The following RPSA2 variants were observed in gnomAD, a reference collection of about 807,000 sequenced individuals.
The protein encoded by RPSA2 is small ribosomal subunit protein uS2B.
the RPSA2 span, among the ~76,000 whole-genome samples, chr19:23,834,938 T>C: frequency 6.6e-6 from 1 of 152,066 alleles, no homozygotes; most frequent in Non-Finnish European, 1.5e-5. Flanking sequence ...TTAATTTCTG[T>C]GGATATATGT....
chr19:23,802,530 CAA>C, the RPSA2 span, among the ~76,000 whole-genome samples: 1 of 152,178 alleles, frequency 6.6e-6, no homozygotes, highest in East Asian at 1.9e-4. Flanking sequence ...GTCAGGCTGA[CAA>C]GAGTGGTTAA....
chr19:23,851,663 G>T, the RPSA2 span, among the ~76,000 whole-genome samples: 4 of 152,158 alleles, frequency 2.6e-5, no homozygotes. Context: ...TCTGCCTTTT[G>T]AGCAGTTGTA....
At chr19:23,869,743 A>G in the RPSA2 span, among the ~76,000 whole-genome samples, 1 of 152,180 alleles carries the variant, frequency 6.6e-6, no homozygotes. Flanking sequence ...GAAAGGTCCA[A>G]TTCAAGAAAC....
At chr19:23,826,351 C>A in the RPSA2 span, among the ~76,000 whole-genome samples, 2 of 152,016 alleles carry the variant, frequency 1.3e-5, no homozygotes, top group East Asian at 1.9e-4. Flanking sequence ...CATCACCATG[C>A]CTGGCTAATT....
At chr19:23,846,204 T>A in the RPSA2 span, among the ~76,000 whole-genome samples, 2 of 152,198 alleles carry the variant, frequency 1.3e-5, no homozygotes, top group Non-Finnish European at 2.9e-5. Flanking sequence ...TTTATATGTA[T>A]CTTACAAGTA....
chr19:23,814,582 C>T, the RPSA2 span, among the ~76,000 whole-genome samples: 1 of 152,112 alleles, frequency 6.6e-6, no homozygotes, highest in African/African-American at 2.4e-5. Context: ...AAAATTTTAA[C>T]ATTTTAAACA....
At chr19:23,827,122 G>T in the RPSA2 span, 1 of 765,600 alleles carries the variant, frequency 1.3e-6, no homozygotes, top group South Asian at 1.5e-5. Context: ...ATACGGCGTT[G>T]TTCTGGATTC....
chr19:23,832,704 T>A, the RPSA2 span: 10 of 1,513,830 alleles, frequency 6.6e-6, no homozygotes, highest in Non-Finnish European at 8.9e-6. Flanking sequence ...GGATGCACAC[T>A]GGAGAGAAAC....
At chr19:23,779,265 G>A in the RPSA2 span, among the ~76,000 whole-genome samples, 4 of 152,074 alleles carry the variant, frequency 2.6e-5, no homozygotes, top group African/African-American at 9.7e-5. Context: ...CTCCCAAAGT[G>A]CTGGGATTAC....
At chr19:23,767,000 T>C in the RPSA2 span, among the ~76,000 whole-genome samples, 2 of 152,128 alleles carry the variant, frequency 1.3e-5, no homozygotes, top group Non-Finnish European at 2.9e-5. Context: ...TCATCCAGGC[T>C]GGAGTGCGGT....
the RPSA2 span, among the ~76,000 whole-genome samples, chr19:23,851,728 C>T: frequency 6.6e-6 from 1 of 152,306 alleles, no homozygotes; most frequent in Non-Finnish European, 1.5e-5. Flanking sequence ...ATTTCCGTTA[C>T]TGGAGCCATC....
the RPSA2 span, chr19:23,843,081 A>G: frequency 0.98 from 149,531 of 152,862 alleles, 73,231 homozygotes; most frequent in Middle Eastern, 1. Flanking sequence ...TAAATTTCTA[A>G]AATCTTTCAT....
At chr19:23,779,359 T>C in the RPSA2 span, among the ~76,000 whole-genome samples, 1 of 152,146 alleles carries the variant, frequency 6.6e-6, no homozygotes, top group Non-Finnish European at 1.5e-5. Flanking sequence ...GCTTGGACTC[T>C]GTCAGAGAAG....
chr19:23,785,665 AG>A, the RPSA2 span, among the ~76,000 whole-genome samples: 3 of 122,012 alleles, frequency 2.5e-5, no homozygotes, highest in African/African-American at 9.4e-5. Context: ...CCCTCAGGAA[AG>A]ATTGTGATGT....
chr19:23,849,765 T>G, the RPSA2 span, among the ~76,000 whole-genome samples: 2 of 152,180 alleles, frequency 1.3e-5, no homozygotes, highest in African/African-American at 4.8e-5. Context: ...CCCAGTCTAT[T>G]ACTAAACCAT....
At chr19:23,828,669 A>G in the RPSA2 span, among the ~76,000 whole-genome samples, 1 of 150,648 alleles carries the variant, frequency 6.6e-6, no homozygotes, top group African/African-American at 2.4e-5. Flanking sequence ...TTTTGTCCTA[A>G]GATGTGGTCT....
the RPSA2 span, among the ~76,000 whole-genome samples, chr19:23,816,877 C>T: frequency 3.3e-5 from 5 of 152,128 alleles, no homozygotes; most frequent in African/African-American, 4.8e-5. Context: ...ACAGAAGAGA[C>T]CTGCCCCCAT....
the RPSA2 span, among the ~76,000 whole-genome samples, chr19:23,828,788 T>C: frequency 6.6e-6 from 1 of 152,060 alleles, no homozygotes; most frequent in Non-Finnish European, 1.5e-5. Flanking sequence ...TGCCTTTAAG[T>C]AGTCTGTTCT....
the RPSA2 span, among the ~76,000 whole-genome samples, chr19:23,766,649 T>G: frequency 6.6e-6 from 1 of 151,688 alleles, no homozygotes; most frequent in African/African-American, 2.4e-5. Flanking sequence ...AGAGACAGGG[T>G]TTCACCGTGT....
Sources: gnomAD v4.1 joint callset for allele counts (sites outside exome capture counted in the v4.1 genomes callset) on GRCh38, gnomAD v4.1.1 for gene constraint, MANE v1.5 for transcripts, NCBI Gene and HGNC (gene_info 2026-07-23, HGNC 2026-07-21) for gene names.